The following FAM163A variants were observed in gnomAD, a reference collection of about 807,000 sequenced individuals.
FAM163A encodes the protein protein FAM163A.
Under a neutral mutation model 12.0 loss-of-function variants are expected in FAM163A, and 7 were observed. The ratio of observed to expected loss-of-function variants is 0.58; its 90% confidence interval spans 0.33 to 1.10. The LOEUF (loss-of-function observed/expected upper bound fraction) is 1.10, where lower values mean the gene tolerates loss of function less well. Among genes scored for constraint, FAM163A ranks in the 50% least tolerant of loss-of-function variants. The pLI is 0.03. For synonymous variants in FAM163A, 101 were observed against 91.0 expected, an observed-to-expected ratio of 1.11 and a Z score of -0.62; for missense variants, 202 against 218.6, an observed-to-expected ratio of 0.92 and a Z score of 0.48.
chr1:179,812,097 T>C lies in FAM163A; in HGVS notation c.-44-13T>C, dbSNP rs1211705665. On this transcript the variant is annotated splice_polypyrimidine_tract_variant and intron_variant, in intron 2 of 4. Coordinates refer to ENST00000341785, the MANE Select transcript of FAM163A (RefSeq NM_173509.3). Reference sequence around the variant, plus strand: ...CTTCTTCCAACATCTCTGTCCTTTCTGTTGTCTTGCAGGTCGCCGTTCCCT... The same window carrying C: ...CTTCTTCCAACATCTCTGTCCTTTCCGTTGTCTTGCAGGTCGCCGTTCCCT... The C allele has an allele frequency of 6.5e-6, 1 of 152,678 alleles. No individual in the cohort carries two copies. Among genetic ancestry groups the C allele is most frequent in the Non-Finnish European group, 1.5e-5 (1 of 68,052 alleles). The allele number at this position is 152,678 out of a possible 1,614,324, so 9.5% of individuals were successfully genotyped here. A position where few individuals can be genotyped will look rare whatever the true frequency, so the allele number is the denominator to read the frequency against.
chr1:179,774,831 G>A (rs1688725877), intron 1 of FAM163A, among the ~76,000 whole-genome samples: 1 of 152,166 alleles, frequency 6.6e-6, no homozygotes, highest in African/African-American at 2.4e-5. Context: ...CTGGCTGAGT[G>A]AATCTCTCAA....
At chr1:179,738,277 G>C in the FAM163A span, among the ~76,000 whole-genome samples, 1 of 152,172 alleles carries the variant, frequency 6.6e-6, no homozygotes, top group South Asian at 2.1e-4. Context: ...AATGATAAAT[G>C]TGTGAGGTGA....
At chr1:179,782,833 A>G (rs1689984112) in intron 1 of FAM163A, among the ~76,000 whole-genome samples, 1 of 152,234 alleles carries the variant, frequency 6.6e-6, no homozygotes. Flanking sequence ...CAGCATTGCA[A>G]TCCAGACCTC....
chr1:179,773,163 C>A (rs1688495593), intron 1 of FAM163A, among the ~76,000 whole-genome samples: 1 of 151,552 alleles, frequency 6.6e-6, no homozygotes, highest in South Asian at 2.1e-4. Flanking sequence ...CTTGAAATAA[C>A]AAAATTATAG....
At chr1:179,770,031 G>T (rs899194181) in intron 1 of FAM163A, among the ~76,000 whole-genome samples, 1 of 147,544 alleles carries the variant, frequency 6.8e-6, no homozygotes, top group Non-Finnish European at 1.5e-5. Flanking sequence ...TCATCCTCCC[G>T]AGTAGCTGGG....
intron 1 of FAM163A, among the ~76,000 whole-genome samples, chr1:179,798,684 G>A (rs972961309): frequency 6.6e-6 from 1 of 152,182 alleles, no homozygotes; most frequent in Non-Finnish European, 1.5e-5. Context: ...AGTCAGATCC[G>A]ACTGGCGGGA....
At chr1:179,756,446 G>A (rs371084689) in intron 1 of FAM163A, among the ~76,000 whole-genome samples, 4 of 152,220 alleles carry the variant, frequency 2.6e-5, no homozygotes, top group Admixed American at 6.5e-5. Flanking sequence ...CACAAGTTAC[G>A]GGGCTTGAGG....
At chr1:179,741,733 A>G (rs1683667282), upstream of FAM163A, among the ~76,000 whole-genome samples, 1 of 152,354 alleles carries the variant, frequency 6.6e-6, no homozygotes, top group Non-Finnish European at 1.5e-5. Context: ...AAGCAAAACT[A>G]AACTGTAGTG....
At chr1:179,788,720 T>G (rs12756748) in intron 1 of FAM163A, among the ~76,000 whole-genome samples, 29,315 of 152,128 alleles carry the variant, frequency 0.19, 3,677 homozygotes, top group Non-Finnish European at 0.27. Context: ...GGTATGGCAT[T>G]ATGCAGGAAT....
At chr1:179,781,917 G>A (rs1035865742) in intron 1 of FAM163A, among the ~76,000 whole-genome samples, 2 of 135,724 alleles carry the variant, frequency 1.5e-5, no homozygotes, top group Non-Finnish European at 3.1e-5. Flanking sequence ...CTGGGCAACA[G>A]AGCAAGAATC....
intron 1 of FAM163A, among the ~76,000 whole-genome samples, chr1:179,744,969 C>T (rs550677813): frequency 6.6e-6 from 1 of 152,328 alleles, no homozygotes; most frequent in Admixed American, 6.5e-5. Context: ...AGCTTTCCTT[C>T]TGCCCTAATG....
chr1:179,774,406 G>A (rs967133780), intron 1 of FAM163A, among the ~76,000 whole-genome samples: 3 of 152,250 alleles, frequency 2.0e-5, no homozygotes, highest in African/African-American at 7.2e-5. Context: ...CCAAGGATGA[G>A]CTTTAGGGGT....
intron 1 of FAM163A, among the ~76,000 whole-genome samples, chr1:179,795,050 A>G (rs977273759): frequency 6.6e-6 from 1 of 152,138 alleles, no homozygotes; most frequent in Admixed American, 6.5e-5. Flanking sequence ...CACACGACAA[A>G]CTCTTGGCAA....
chr1:179,766,261 G>T (rs1215962773), intron 1 of FAM163A, among the ~76,000 whole-genome samples: 1 of 152,212 alleles, frequency 6.6e-6, no homozygotes, highest in South Asian at 2.1e-4. Context: ...AACCTAACTT[G>T]CCCTCCGCTT....
At chr1:179,777,611 G>A (rs1343227151) in intron 1 of FAM163A, among the ~76,000 whole-genome samples, 1 of 152,116 alleles carries the variant, frequency 6.6e-6, no homozygotes, top group Non-Finnish European at 1.5e-5. Flanking sequence ...CTGCTTCCTG[G>A]TACACTCCTT....
chr1:179,760,433 AATCT>A lies in FAM163A; in HGVS notation c.-136+17012_-136+17015del, dbSNP rs535662568. Among the ~76,000 whole-genome samples the A allele has an allele frequency of 6.4e-3, 970 of 152,282 alleles. 5 individuals carry two copies. Among genetic ancestry groups the A allele is most frequent in the African/African-American group, 0.021 (877 of 41,550 alleles). ...GTGTTGAAGTCATGGAAGGGAAGCT[AATCT>A]AACTCAGGGGAAGGGGAGATCCAGG... On this transcript the variant is annotated intron_variant, in intron 1 of 4. Transcript: ENST00000341785.
the FAM163A span, among the ~76,000 whole-genome samples, chr1:179,734,554 A>G: frequency 6.6e-6 from 1 of 152,202 alleles, no homozygotes; most frequent in Admixed American, 6.5e-5. Context: ...GTGGAGGCCC[A>G]CTTCCTGATT....
the FAM163A span, among the ~76,000 whole-genome samples, chr1:179,728,300 T>C: frequency 2.0e-5 from 3 of 152,178 alleles, no homozygotes; most frequent in Non-Finnish European, 1.5e-5. Flanking sequence ...TGTGAATGAC[T>C]GTATCTTTGG....
chr1:179,754,055 G>A (rs1409452366), intron 1 of FAM163A, among the ~76,000 whole-genome samples: 1 of 152,120 alleles, frequency 6.6e-6, no homozygotes, highest in African/African-American at 2.4e-5. Context: ...CTCCCAGGCG[G>A]GTGATACCTC....
Sources: allele counts gnomAD v4.1 joint callset (sites outside exome capture counted in the v4.1 genomes callset), GRCh38; gene constraint gnomAD v4.1.1; transcripts MANE v1.5; gene names NCBI Gene and HGNC (gene_info 2026-07-23, HGNC 2026-07-21).